DOCK10: variants seen among roughly 807,000 people sequenced by gnomAD.
DOCK10 encodes the protein dedicator of cytokinesis protein 10.
A neutral mutation model predicts 280.1 loss-of-function variants in DOCK10; 145 were observed. The ratio of observed to expected loss-of-function variants is 0.52; its 90% CI spans 0.45 to 0.59. DOCK10 has a LOEUF of 0.59. Ranked by LOEUF, DOCK10 falls within the 20% of genes least tolerant of loss-of-function variation. The probability of loss-of-function intolerance (pLI) is 0.00; values close to 1 mark genes in which losing one functional copy is unlikely to be tolerated. For missense variants in DOCK10, 2,368 were observed against 2,651.7 expected (o/e 0.89, Z 2.35); for synonymous variants, 915 against 942.2 (o/e 0.97, Z 0.53).
intron 1 of DOCK10, among the ~76,000 whole-genome samples, chr2:225,007,654 G>A (rs898416738): frequency 6.6e-6 from 1 of 152,122 alleles, no homozygotes. Context: ...AATAAAAAAG[G>A]TGGTGATCCT....
intron 4 of DOCK10, among the ~76,000 whole-genome samples, chr2:224,895,181 A>G (rs761982254): frequency 1.3e-5 from 2 of 152,206 alleles, no homozygotes; most frequent in Non-Finnish European, 2.9e-5. Flanking sequence ...CTAGTTCATA[A>G]TCCCTCTTTC....
intron 1 of DOCK10, among the ~76,000 whole-genome samples, chr2:224,980,399 T>C (rs1705684842): frequency 6.6e-6 from 1 of 152,242 alleles, no homozygotes; most frequent in African/African-American, 2.4e-5. Context: ...AATTGTAGTA[T>C]AGCATTTCCA....
At chr2:224,862,922 G>A (rs1423054024) in intron 13 of DOCK10, among the ~76,000 whole-genome samples, 176 bp from the exon 14 acceptor site, 2 of 152,086 alleles carry the variant, frequency 1.3e-5, no homozygotes, top group Admixed American at 1.3e-4. Flanking sequence ...TCAAACTATT[G>A]TATAATGTTT....
intron 47 of DOCK10, among the ~76,000 whole-genome samples, chr2:224,790,619 T>C (rs1268694713): frequency 6.6e-6 from 1 of 152,096 alleles, no homozygotes; most frequent in African/African-American, 2.4e-5. Flanking sequence ...TAAATAAATT[T>C]TATTTTTCTA....
At chr2:224,819,564 TACTTGAAGAATCA>T in intron 28 of DOCK10, 35 bp from the exon 29 acceptor site, 1 of 1,376,184 alleles carries the variant, frequency 7.3e-7, no homozygotes, top group Non-Finnish European at 1.0e-6. Context: ...TAAACACTTT[TACTTGAAGAATCA>T]TTAAAGATTT....
chr2:224,879,841 T>G (rs1026363312), intron 7 of DOCK10, among the ~76,000 whole-genome samples: 20 of 152,166 alleles, frequency 1.3e-4, no homozygotes, highest in African/African-American at 4.8e-4. Context: ...GCACAACTTT[T>G]GCAAGGACAT....
chr2:225,013,070 CT>C (rs1275127791), intron 1 of DOCK10, among the ~76,000 whole-genome samples: 1 of 152,084 alleles, frequency 6.6e-6, no homozygotes, highest in Middle Eastern at 3.2e-3. Context: ...TAACTGGGTA[CT>C]TTTCTTAGTA....
At position 224,800,181 on chromosome 2, in the gene DOCK10, G is replaced by A; in HGVS notation, c.4476C>T (p.Asp1492=). 1.2e-6 allele frequency: 2 copies of A among 1,610,968 alleles called. No homozygotes were observed. The highest frequency in any genetic ancestry group is 1.7e-6 in the Non-Finnish European group (2 of 1,177,908). Residue 1492 remains aspartate (D), a synonymous_variant, in exon 41 of 56, where the codon GAC becomes GAT. Transcript: ENST00000258390. ...IATEVCLTIL[D]LLSLFTQTHQ... Reference sequence around the variant, plus strand: ...GAGTCTGTGTGAAGAGGGATAACAGGTCCAGAATAGTGAGGCAAACCTCCG... The same window carrying A: ...GAGTCTGTGTGAAGAGGGATAACAGATCCAGAATAGTGAGGCAAACCTCCG...
intron 22 of DOCK10, among the ~76,000 whole-genome samples, chr2:224,843,828 G>A: frequency 6.6e-6 from 1 of 152,206 alleles, no homozygotes. Context: ...ATAATTATAC[G>A]TGTATAGACT....
intron 4 of DOCK10, among the ~76,000 whole-genome samples, chr2:224,886,887 C>CCG (rs1699323199): frequency 9.7e-6 from 1 of 103,550 alleles, no homozygotes; most frequent in African/African-American, 6.1e-5. Flanking sequence ...GCACCCCCAA[C>CCG]ACCCCCCCAA....
chr2:224,986,474 G>A (rs923202378), intron 1 of DOCK10, among the ~76,000 whole-genome samples: 7 of 152,290 alleles, frequency 4.6e-5, no homozygotes, highest in African/African-American at 1.7e-4. Context: ...AAATTCATAT[G>A]TTGGAACCCT....
intron 1 of DOCK10, among the ~76,000 whole-genome samples, chr2:224,997,406 A>AT (rs1302055132): frequency 6.6e-6 from 1 of 151,766 alleles, no homozygotes; most frequent in Non-Finnish European, 1.5e-5. Context: ...TGATTTTTGT[A>AT]TTTTTAGTAG....
Position 224,970,880 on chromosome 2 carries a change from G to C in DOCK10, c.124-39212C>G, listed in dbSNP as rs1705043025. On this transcript the variant is annotated intron_variant, in intron 1 of 55. Coordinates refer to ENST00000258390, the MANE Select transcript of DOCK10 (RefSeq NM_014689.3). This position sits in a 1 kb window ranked among gnomAD's most constrained non-coding sequence, Gnocchi z 4.6. The stretch of plus-strand genomic sequence containing the variant: ...TATTGACATTACTTTGTATTTTGTA[G>C]CTAGCATCTATGTAGTTTCACTTAA... Among the ~76,000 whole-genome samples the C allele has an allele frequency of 6.6e-6, 1 of 152,162 alleles. No individual in the cohort carries two copies. Among genetic ancestry groups the C allele is most frequent in the African/African-American group, 2.4e-5 (1 of 41,436 alleles).
At position 224,853,070 on chromosome 2, in the gene DOCK10, T is replaced by C; in HGVS notation, c.1941A>G (p.Gln647=). Residue 647 remains glutamine (Q), a synonymous_variant, in exon 17 of 56, where the codon CAA becomes CAG. Transcript: ENST00000258390. ...CTTCCACCTCCACTGTGGGTTCTGT[T>C]TGAGCCATCATGTTGAAAGGCTTGA... ...IPVKPFNMMA[Q]TEPTVEVEEF... The C allele has an allele frequency of 6.2e-7, 1 of 1,610,040 alleles. No individual in the cohort carries two copies. The highest frequency in any genetic ancestry group is 8.5e-7 in the Non-Finnish European group (1 of 1,177,292).
chr2:224,863,352 C>G (rs1251663409), intron 13 of DOCK10, among the ~76,000 whole-genome samples: 1 of 152,216 alleles, frequency 6.6e-6, no homozygotes, highest in Non-Finnish European at 1.5e-5. Context: ...ATGTTAAACT[C>G]CTTCCTAAAT....
chr2:224,847,386 G>C (rs957510814), intron 19 of DOCK10, among the ~76,000 whole-genome samples: 1 of 152,202 alleles, frequency 6.6e-6, no homozygotes, highest in East Asian at 1.9e-4. Flanking sequence ...CCCACATCTT[G>C]GGATGATCAC....
intron 1 of DOCK10, among the ~76,000 whole-genome samples, chr2:224,999,042 C>A (rs1044156419): frequency 6.6e-6 from 1 of 152,046 alleles, no homozygotes; most frequent in African/African-American, 2.4e-5. Flanking sequence ...CAAAAGTTAG[C>A]TGGGTGTGAT....
intron 1 of DOCK10, among the ~76,000 whole-genome samples, chr2:224,997,208 T>TCCCTCCCTC (rs1706298171): frequency 7.3e-6 from 1 of 136,294 alleles, no homozygotes; most frequent in Admixed American, 7.2e-5. Flanking sequence ...CTCCCTCCCT[T>TCCCTCCCTC]CCCTCCCTCC....
intron 1 of DOCK10, among the ~76,000 whole-genome samples, chr2:225,007,270 TG>T (rs1352138706): frequency 2.0e-5 from 3 of 152,222 alleles, no homozygotes; most frequent in Admixed American, 1.3e-4. Context: ...GAGATGTTTT[TG>T]TACCTCCCAG....
Sources: gnomAD v4.1 joint callset for allele counts (sites outside exome capture counted in the v4.1 genomes callset) on GRCh38, gnomAD v4.1.1 for gene constraint, Gnocchi (gnomAD v3.1) non-coding constraint, MANE v1.5 for transcripts, NCBI Gene and HGNC (gene_info 2026-07-23, HGNC 2026-07-21) for gene names.